HERC3: variants seen among roughly 807,000 people sequenced by gnomAD.
The protein encoded by HERC3 is probable E3 ubiquitin-protein ligase HERC3.
In HERC3, 58 loss-of-function variants were observed where a neutral mutation model predicts 129.9. That is an observed-to-expected ratio of 0.45 (90% CI 0.36 to 0.56). The LOEUF (loss-of-function observed/expected upper bound fraction) is 0.56. Ranked by LOEUF, HERC3 falls within the 20% of genes least tolerant of loss-of-function variation. The pLI is 0.00. For missense variants in HERC3, 835 were observed against 1,244.2 expected, an observed-to-expected ratio of 0.67 and a Z score of 4.95; for synonymous variants, 430 against 451.0, an observed-to-expected ratio of 0.95 and a Z score of 0.59.
At chr4:88,603,855 A>G (rs1723303284) in intron 2 of HERC3, among the ~76,000 whole-genome samples, 1 of 152,202 alleles carries the variant, frequency 6.6e-6, no homozygotes, top group Admixed American at 6.5e-5. Context: ...TAGAAAAAAT[A>G]CTTTTGTGCC....
chr4:88,664,306 GT>G (rs533681362), intron 12 of HERC3, 94 bp downstream of exon 12: 304 of 1,034,040 alleles, frequency 2.9e-4, no homozygotes, highest in Non-Finnish European at 4.1e-4. Flanking sequence ...GAGTTTAGGA[GT>G]TTGGGGCTTT....
At chr4:88,541,877 A>C in the HERC3 span, among the ~76,000 whole-genome samples, 1 of 152,240 alleles carries the variant, frequency 6.6e-6, no homozygotes, top group Non-Finnish European at 1.5e-5. Flanking sequence ...AGGCAGAAAT[A>C]AAGATGTTCT....
At chr4:88,633,095 A>G (rs145514402) in intron 3 of HERC3, among the ~76,000 whole-genome samples, 180 of 152,378 alleles carry the variant, frequency 1.2e-3, no homozygotes, top group Non-Finnish European at 2.3e-3. Context: ...GAGCATAGAA[A>G]GAAGAGAATT....
At chr4:88,576,832 C>T in the HERC3 span, among the ~76,000 whole-genome samples, 1 of 152,074 alleles carries the variant, frequency 6.6e-6, no homozygotes, top group African/African-American at 2.4e-5. Flanking sequence ...GCCTATCAAT[C>T]CTTTCCATTT....
At position 88,687,291 on chromosome 4, in the gene HERC3, G is replaced by A; in HGVS notation, c.2649G>A (p.Lys883=). The change falls in exon 23 of 26, where the codon AAG becomes AAA. Residue 883 remains lysine (K), a synonymous_variant. Coordinates refer to ENST00000402738, the MANE Select transcript of HERC3 (RefSeq NM_014606.3). Reference sequence around the variant, plus strand: ...GGGGAGATAATGTAACTGTGTGCAAGGATAACAGGTTAGTCCTGACCTTGG... The same window carrying A: ...GGGGAGATAATGTAACTGTGTGCAAAGATAACAGGTTAGTCCTGACCTTGG... ...IPGGDNVTVC[K]DNRQEFVDAY... is the part of the protein sequence containing the mutation. 1 of 1,609,696 alleles carries A rather than the reference G, an allele frequency of 6.2e-7. No homozygotes were observed. The highest frequency in any genetic ancestry group is 8.5e-7 in the Non-Finnish European group (1 of 1,176,400).
At chr4:88,540,518 C>A in the HERC3 span, among the ~76,000 whole-genome samples, 2 of 152,198 alleles carry the variant, frequency 1.3e-5, no homozygotes, top group African/African-American at 4.8e-5. Context: ...TTAGAAAACA[C>A]TCTTCAGGAT....
intron 16 of HERC3, among the ~76,000 whole-genome samples, chr4:88,671,569 G>T (rs974221998): frequency 2.0e-5 from 3 of 152,082 alleles, no homozygotes; most frequent in African/African-American, 7.3e-5. Context: ...TATCACCCAG[G>T]CTGGAGTGCA....
At position 88,697,162 on chromosome 4, in the gene HERC3, G is replaced by A; in HGVS notation, c.2658-6936G>A. On this transcript the variant is annotated intron_variant, in intron 23 of 25. Coordinates refer to ENST00000402738, the MANE Select transcript of HERC3 (RefSeq NM_014606.3). ...GATATTCTGGGAAAAACAAAACCAGGCTTTTTTCTTCGTGGGCTTTCTCTT... is the reference window on the plus strand; with the variant it reads ...GATATTCTGGGAAAAACAAAACCAGACTTTTTTCTTCGTGGGCTTTCTCTT... The A allele has an allele frequency of 4.1e-6, 6 of 1,456,788 alleles. No homozygotes were observed. The South Asian group carries it at 9.5e-5, about 23-fold the overall frequency. 90.2% of individuals were successfully genotyped at this position (1,456,788 alleles called of 1,614,324 possible).
At chr4:88,538,785 T>C in the HERC3 span, among the ~76,000 whole-genome samples, 40,390 of 151,804 alleles carry the variant, frequency 0.27, 5,829 homozygotes, top group East Asian at 0.52. Flanking sequence ...CCTCGTGATC[T>C]GCCCGCCTCG....
At chr4:88,579,232 A>ATAT in the HERC3 span, among the ~76,000 whole-genome samples, 75 of 104,084 alleles carry the variant, frequency 7.2e-4, no homozygotes, top group Middle Eastern at 6.0e-3. Flanking sequence ...AAAAAAAAAA[A>ATAT]ATATATATAT....
chr4:88,670,002 A>T lies in HERC3; in HGVS notation c.1776A>T (p.Lys592Asn), dbSNP rs201207447. Residue 592 changes from lysine to asparagine, a missense_variant, in exon 15 of 26, where the codon AAA (lysine) becomes AAT (asparagine). Physicochemically the swap from Lys to Asn is moderately conservative, Grantham distance 94. Transcript: ENST00000402738. Reference protein sequence around the residue: ...LFNNYITAALKLLEKLYKVNL... With the variant: ...LFNNYITAALNLLEKLYKVNL... ...ACAATTATATCACAGCAGCTCTCAA[A>T]CTCTTGGAGAAGTTATATAAGGTGA... 2.5e-6 allele frequency: 4 copies of T among 1,613,830 alleles called. No individual in the cohort carries two copies. The highest frequency in any genetic ancestry group is 3.4e-6 in the Non-Finnish European group (4 of 1,179,850).
chr4:88,680,176 T>A lies in HERC3; in HGVS notation c.2280T>A (p.Asn760Lys), dbSNP rs967974741. ...TTTTGCTGTTAAAAGAACTTTTGAA[T>A]CCCATCTATGGAATGTTTACCTACT... ...FFLLLLKELL[N>K]PIYGMFTYYQ... Residue 760 changes from asparagine (N) to lysine (K), a missense_variant, in exon 20 of 26, where the codon AAT becomes AAA. By Grantham distance (94) the Asn-to-Lys change is moderately conservative. Coordinates refer to ENST00000402738, the MANE Select transcript of HERC3 (RefSeq NM_014606.3). The A allele has an allele frequency of 2.5e-6, 4 of 1,613,248 alleles. No individual in the cohort carries two copies. Among genetic ancestry groups the A allele is most frequent in the Non-Finnish European group, 3.4e-6 (4 of 1,179,542 alleles).
At chr4:88,682,939 A>G (rs539267284) in intron 21 of HERC3, among the ~76,000 whole-genome samples, 42 of 152,324 alleles carry the variant, frequency 2.8e-4, no homozygotes, top group African/African-American at 9.6e-4. Flanking sequence ...AGTCCCATCA[A>G]CAGTGTAAAA....
At position 88,651,230 on chromosome 4, in the gene HERC3, A is replaced by G. The variant is rs115604566; in HGVS notation, c.387-782A>G. ...GCATTTCATTTTTAAAAATGAAGTA[A>G]TCTGTTCTACAGTAATAGCTTAATA... On this transcript the variant is annotated intron_variant, in intron 4 of 25. Coordinates refer to ENST00000402738, the MANE Select transcript of HERC3 (RefSeq NM_014606.3). Among the ~76,000 whole-genome samples the G allele has an allele frequency of 2.5e-3, 383 of 152,328 alleles. 3 individuals carry two copies. The highest frequency in any genetic ancestry group is 9.0e-3 in the African/African-American group (375 of 41,570).
chr4:88,554,387 TAGATTAAGTGACA>T, the HERC3 span, among the ~76,000 whole-genome samples: 1 of 150,556 alleles, frequency 6.6e-6, no homozygotes, highest in African/African-American at 2.4e-5. Context: ...ATACCAATTA[TAGATTAAGTGACA>T]AGAGGCTGTG....
intron 19 of HERC3, 101 bp from the exon 20 acceptor site, chr4:88,679,992 C>T (rs570189861): frequency 9.9e-7 from 1 of 1,006,990 alleles, no homozygotes; most frequent in African/African-American, 1.6e-5. Flanking sequence ...CTTTGTTATG[C>T]TTTCCTTCCT....
the HERC3 span, among the ~76,000 whole-genome samples, chr4:88,546,498 T>G: frequency 7.2e-6 from 1 of 138,960 alleles, no homozygotes; most frequent in African/African-American, 2.6e-5. Flanking sequence ...CCTCCCTCCC[T>G]TCCTCCCTTC....
At chr4:88,620,714 G>C (rs1725420628) in intron 3 of HERC3, among the ~76,000 whole-genome samples, 1 of 152,012 alleles carries the variant, frequency 6.6e-6, no homozygotes, top group Non-Finnish European at 1.5e-5. Context: ...TGCTTTCTCA[G>C]CTCATCTCTT....
the HERC3 span, among the ~76,000 whole-genome samples, chr4:88,552,432 T>C: frequency 0.052 from 7,914 of 152,204 alleles, 479 homozygotes; most frequent in East Asian, 0.28. Context: ...TTTGTATTTT[T>C]AGTAGAGACA....
Sources: gnomAD v4.1 joint callset for allele counts (sites outside exome capture counted in the v4.1 genomes callset) on GRCh38, gnomAD v4.1.1 for gene constraint, MANE v1.5 for transcripts, NCBI Gene and HGNC (gene_info 2026-07-23, HGNC 2026-07-21) for gene names.